FGF12: variants seen among roughly 807,000 people sequenced by gnomAD.
FGF12 encodes fibroblast growth factor 12.
FGF12 carries 14 observed loss-of-function variants against 23.6 expected under a neutral mutation model. That is an observed-to-expected ratio of 0.59 (90% CI 0.39 to 0.93). The LOEUF (loss-of-function observed/expected upper bound fraction) is 0.93, where lower values mean the gene tolerates loss of function less well. Among genes scored for constraint, FGF12 ranks in the 40% least tolerant of loss-of-function variants. FGF12 has a pLI of 0.00. For synonymous variants in FGF12, 62 were observed against 77.3 expected (o/e 0.80, Z 1.04); for missense variants, 175 against 217.8 (o/e 0.80, Z 1.24).
At chr3:192,369,187 T>C (rs1700619901) in intron 2 of FGF12, among the ~76,000 whole-genome samples, 1 of 152,336 alleles carries the variant, frequency 6.6e-6, no homozygotes, top group Admixed American at 6.5e-5. Context: ...GGAGTGTTTG[T>C]ATGCTGAAGG....
At chr3:192,604,173 C>A (rs1714239836) in intron 2 of FGF12, among the ~76,000 whole-genome samples, 1 of 152,108 alleles carries the variant, frequency 6.6e-6, no homozygotes, top group Admixed American at 6.6e-5. Flanking sequence ...TTATGATTGT[C>A]TTCCCTTGTT....
At chr3:192,575,456 A>G (rs765320857) in intron 2 of FGF12, among the ~76,000 whole-genome samples, 23 of 152,222 alleles carry the variant, frequency 1.5e-4, no homozygotes, top group Non-Finnish European at 3.2e-4. Context: ...GCTAATAGCC[A>G]CAGTGCAGTG....
Position 192,385,564 on chromosome 3 carries a change from C to T in FGF12, c.14-25026G>A, listed in dbSNP as rs189842648. Among the ~76,000 whole-genome samples the T allele has an allele frequency of 1.5e-4, 23 of 152,246 alleles. No homozygotes were observed. In the East Asian group the frequency reaches 3.9e-3, roughly 26 times the overall value. ...AGCAGGACTGAGAGAATTCACCCCC[C>T]CCAGCTCATAGTTCAGACCTCTTCT... On this transcript the variant is annotated intron_variant, in intron 2 of 5. Coordinates refer to ENST00000445105, the MANE Select transcript of FGF12 (RefSeq NM_004113.6).
At chr3:192,272,894 C>T (rs908496979) in intron 4 of FGF12, among the ~76,000 whole-genome samples, 1 of 152,158 alleles carries the variant, frequency 6.6e-6, no homozygotes, top group Non-Finnish European at 1.5e-5. Context: ...GTTTTATAGA[C>T]AAATCCTTCC....
chr3:192,299,488 A>T (rs968023349), intron 4 of FGF12, among the ~76,000 whole-genome samples: 4 of 152,198 alleles, frequency 2.6e-5, no homozygotes, highest in Non-Finnish European at 5.9e-5. Flanking sequence ...TATTTAAAAA[A>T]TGAGAAAATG....
chr3:192,270,134 C>T (rs1713339307), intron 4 of FGF12, among the ~76,000 whole-genome samples: 1 of 152,148 alleles, frequency 6.6e-6, no homozygotes, highest in South Asian at 2.1e-4. Flanking sequence ...AAATCTTTCA[C>T]ATATAAAATT....
At chr3:192,536,255 T>G (rs1199127181) in intron 2 of FGF12, among the ~76,000 whole-genome samples, 1 of 152,156 alleles carries the variant, frequency 6.6e-6, no homozygotes, top group African/African-American at 2.4e-5. Context: ...TGACAAAGGC[T>G]ATATGGTCCA....
Position 192,444,490 on chromosome 3 carries a change from G to A in FGF12, c.14-83952C>T, listed in dbSNP as rs554154556. ...GCCAATTGATCCTAACATTGCTTCT[G>A]GAACAAGATAATGTGACCTTCAGCA... On this transcript the variant is annotated intron_variant, in intron 2 of 5. Transcript: ENST00000445105. Among the ~76,000 whole-genome samples the A allele has an allele frequency of 6.6e-5, 10 of 152,166 alleles. No individual in the cohort carries two copies. In the South Asian group the frequency reaches 2.1e-3, roughly 32 times the overall value.
chr3:192,506,496 G>C (rs981861834), intron 2 of FGF12, among the ~76,000 whole-genome samples: 4 of 151,878 alleles, frequency 2.6e-5, no homozygotes, highest in Non-Finnish European at 4.4e-5. Context: ...TCAGCCTCCA[G>C]AGTAGCTGGG....
chr3:192,599,254 TATAATAATA>T lies in FGF12; in HGVS notation c.13+127918_13+127926del, dbSNP rs11269443. ...TGCACACGTACCCCAGAACTTGAAG[TATAATAATA>T]ATAATAATAATAATAATAATAAAGA... On this transcript the variant is annotated intron_variant, in intron 2 of 5. Coordinates refer to ENST00000445105, the MANE Select transcript of FGF12 (RefSeq NM_004113.6). Among the ~76,000 whole-genome samples, 226 of 98,332 alleles carry T rather than the reference TATAATAATA, an allele frequency of 2.3e-3. 7 individuals are homozygous for T. The South Asian group carries it at 0.027, about 12-fold the overall frequency. The allele number at this position is 98,332 out of a possible 152,430, so 64.5% of individuals were successfully genotyped here.
intron 2 of FGF12, among the ~76,000 whole-genome samples, chr3:192,583,653 T>G (rs1195599742): frequency 6.6e-6 from 1 of 152,180 alleles, no homozygotes; most frequent in Non-Finnish European, 1.5e-5. Context: ...TACCTACAAT[T>G]GAAGAGCAAC....
chr3:192,627,988 T>C (rs961295227), intron 2 of FGF12, among the ~76,000 whole-genome samples: 11 of 152,070 alleles, frequency 7.2e-5, no homozygotes, highest in Admixed American at 5.2e-4. Context: ...AAACATACTC[T>C]CCTTTCCTTT....
chr3:192,548,156 C>T (rs58215635), intron 2 of FGF12, among the ~76,000 whole-genome samples: 5,364 of 152,006 alleles, frequency 0.035, 328 homozygotes, highest in African/African-American at 0.12. Flanking sequence ...TTTTAAGTGT[C>T]AGGGTATGCT....
intron 2 of FGF12, among the ~76,000 whole-genome samples, chr3:192,623,397 A>G (rs749102657): frequency 6.7e-6 from 1 of 149,188 alleles, no homozygotes; most frequent in Non-Finnish European, 1.5e-5. Flanking sequence ...TTGGTATCTG[A>G]ATGCCAGTGT....
chr3:192,272,758 A>C (rs963506856), intron 4 of FGF12, among the ~76,000 whole-genome samples: 1 of 152,186 alleles, frequency 6.6e-6, no homozygotes, highest in African/African-American at 2.4e-5. Flanking sequence ...AAGAGAGCCC[A>C]AAAATAGCCC....
chr3:192,607,262 C>T (rs1286820753), intron 2 of FGF12, among the ~76,000 whole-genome samples: 1 of 152,136 alleles, frequency 6.6e-6, no homozygotes, highest in African/African-American at 2.4e-5. Flanking sequence ...ATCCAGGAAA[C>T]CCCATGTGTT....
In FGF12 at chr3:192,279,230, G is replaced by GTATATATATATATATATATATATATATA. The variant is rs59504943; in HGVS notation, c.228+56130_228+56131insTATATATATATATATATATATATATATA. 3.9e-3 allele frequency among the ~76,000 whole-genome samples: 519 copies of GTATATATATATATATATATATATATATA among 131,690 alleles called. 3 individuals are homozygous for GTATATATATATATATATATATATATATA. Among genetic ancestry groups the GTATATATATATATATATATATATATATA allele is most frequent in the African/African-American group, 8.8e-3 (285 of 32,362 alleles). The allele number at this position is 131,690 out of a possible 152,430, so 86.4% of individuals were successfully genotyped here. ...TAAGTCATGCTTGGTTAATGTATGA[G>GTATATATATATATATATATATATATATA]TATATATATATATATATATATATAA... On this transcript the variant is annotated intron_variant, in intron 4 of 5. Coordinates refer to ENST00000445105, the MANE Select transcript of FGF12 (RefSeq NM_004113.6).
At chr3:192,344,464 T>C (rs763758285) in intron 3 of FGF12, among the ~76,000 whole-genome samples, 2 of 152,210 alleles carry the variant, frequency 1.3e-5, no homozygotes, top group Non-Finnish European at 2.9e-5. Context: ...AACATCAACA[T>C]ACTTTAAGTT....
intron 4 of FGF12, among the ~76,000 whole-genome samples, chr3:192,246,235 T>G (rs564153830): frequency 6.6e-6 from 1 of 152,074 alleles, no homozygotes; most frequent in South Asian, 2.1e-4. Flanking sequence ...TAGTATGAGT[T>G]TATAAAAAAA....
Sources: allele counts gnomAD v4.1 joint callset (sites outside exome capture counted in the v4.1 genomes callset), GRCh38; gene constraint gnomAD v4.1.1; transcripts MANE v1.5; gene names NCBI Gene and HGNC (gene_info 2026-07-23, HGNC 2026-07-21).